Variants in KHDRBS2 observed in about 807,000 individuals in gnomAD.
KHDRBS2 encodes the protein KH domain-containing, RNA-binding, signal transduction-associated protein 2.
A neutral mutation model predicts 44.3 loss-of-function variants in KHDRBS2; 26 were observed. That is an observed-to-expected ratio of 0.59 (90% CI 0.43 to 0.81). The LOEUF is 0.81. Among genes scored for constraint, KHDRBS2 ranks in the 40% least tolerant of loss-of-function variants. The pLI, the probability that KHDRBS2 is intolerant of heterozygous loss-of-function variation, is 0.00. For synonymous variants in KHDRBS2, 194 were observed against 151.1 expected (o/e 1.28, Z -2.08); for missense variants, 476 against 433.1 (o/e 1.10, Z -0.88).
At chr6:61,643,696 C>T in the KHDRBS2 span, among the ~76,000 whole-genome samples, 1 of 152,074 alleles carries the variant, frequency 6.6e-6, no homozygotes, top group Admixed American at 6.6e-5. Context: ...GAACACAATC[C>T]CATTCATAAT....
chr6:62,106,779 T>A (rs1224820793), intron 2 of KHDRBS2, among the ~76,000 whole-genome samples: 2 of 152,232 alleles, frequency 1.3e-5, no homozygotes, highest in Non-Finnish European at 2.9e-5. Flanking sequence ...GATGCAAGGC[T>A]GGTTCAGTAT....
Position 61,901,241 on chromosome 6 carries a change from T to A in KHDRBS2, c.611+3A>T. On this transcript the variant is annotated splice_donor_region_variant and intron_variant, in intron 5 of 8. Transcript: ENST00000281156. ...AATTTATTTAAAGTAAGAATGAATGTACCTTGAAGGAGCTGTGGGAGCTAT... is the reference window on the plus strand; with the variant it reads ...AATTTATTTAAAGTAAGAATGAATGAACCTTGAAGGAGCTGTGGGAGCTAT... 1 of 1,610,252 alleles carries A rather than the reference T, an allele frequency of 6.2e-7. No homozygotes were observed.
At chr6:62,037,890 C>CA (rs1294446578) in intron 3 of KHDRBS2, among the ~76,000 whole-genome samples, 1 of 151,814 alleles carries the variant, frequency 6.6e-6, no homozygotes, top group Non-Finnish European at 1.5e-5. Context: ...TAAGTTTGCA[C>CA]AAAAATATGC....
chr6:62,040,672 T>G (rs115159408), intron 3 of KHDRBS2, among the ~76,000 whole-genome samples: 2,544 of 152,246 alleles, frequency 0.017, 62 homozygotes, highest in African/African-American at 0.057. Context: ...ACATGGCCTT[T>G]CGATGTAATT....
In KHDRBS2 at chr6:62,015,172, T is replaced by C. The variant is rs149297348; in HGVS notation, c.336+32706A>G. On this transcript the variant is annotated intron_variant, in intron 3 of 8. Transcript: ENST00000281156. ...AATCATCATTATATCACTGGTTCAA[T>C]GATATTTTAAGGTAGTATACTTATA... is the stretch of plus-strand genomic sequence containing the variant. Among the ~76,000 whole-genome samples, 63 of 152,318 alleles carry C rather than the reference T, an allele frequency of 4.1e-4. 1 individual carries two copies. The East Asian group carries it at 0.011, about 28-fold the overall frequency.
At chr6:61,622,693 G>C in the KHDRBS2 span, among the ~76,000 whole-genome samples, 2 of 152,196 alleles carry the variant, frequency 1.3e-5, no homozygotes, top group East Asian at 3.9e-4. Context: ...GAGTTTCCCC[G>C]GCAGGAAGTG....
chr6:62,072,157 T>C (rs1220186287), intron 2 of KHDRBS2, among the ~76,000 whole-genome samples: 2 of 152,200 alleles, frequency 1.3e-5, no homozygotes, highest in African/African-American at 2.4e-5. Context: ...GTTATTGGTG[T>C]ATAAGAGTGC....
chr6:61,995,105 C>A (rs2127253073), intron 3 of KHDRBS2, among the ~76,000 whole-genome samples: 1 of 152,028 alleles, frequency 6.6e-6, no homozygotes, highest in East Asian at 1.9e-4. Context: ...GCGTTTGAAC[C>A]CTTTATCATG....
At chr6:62,076,680 T>C (rs1796400018) in intron 2 of KHDRBS2, among the ~76,000 whole-genome samples, 1 of 152,088 alleles carries the variant, frequency 6.6e-6, no homozygotes, top group Non-Finnish European at 1.5e-5. Flanking sequence ...GCAATTCTAT[T>C]AGTTCATCTT....
intron 3 of KHDRBS2, among the ~76,000 whole-genome samples, chr6:61,995,565 G>C (rs946886913): frequency 3.3e-5 from 5 of 152,100 alleles, no homozygotes; most frequent in African/African-American, 1.2e-4. Flanking sequence ...ATAATTAATG[G>C]TACTTCCTTT....
At chr6:62,081,859 T>C (rs1409855626) in intron 2 of KHDRBS2, among the ~76,000 whole-genome samples, 1 of 152,020 alleles carries the variant, frequency 6.6e-6, no homozygotes, top group Non-Finnish European at 1.5e-5. Context: ...AGAAATTATA[T>C]ATAATATTAT....
rs1800181469 is a variant in KHDRBS2 at position 61,881,341 on chromosome 6, T to C, written c.810+13294A>G. The stretch of plus-strand genomic sequence containing the variant: ...CAGTTACTCTCCTAACCTTAATTTC[T>C]CCAACATTAAATTAAAATAATGAAC... On this transcript the variant is annotated intron_variant, in intron 6 of 8. Transcript: ENST00000281156. Among the ~76,000 whole-genome samples, 4 of 151,906 alleles carry C rather than the reference T, an allele frequency of 2.6e-5. 1 individual carries two copies. In the South Asian group the frequency reaches 8.3e-4, roughly 31 times the overall value.
At chr6:61,612,900 T>A in the KHDRBS2 span, among the ~76,000 whole-genome samples, 1 of 131,896 alleles carries the variant, frequency 7.6e-6, no homozygotes, top group Non-Finnish European at 1.5e-5. Flanking sequence ...TCGCCCAGGC[T>A]GGAGTGCAGT....
chr6:62,009,680 C>A (rs1322702634), intron 3 of KHDRBS2, among the ~76,000 whole-genome samples: 1 of 152,152 alleles, frequency 6.6e-6, no homozygotes, highest in Admixed American at 6.5e-5. Context: ...TGTGTCCCTG[C>A]CACTCCAGCT....
rs192720179 is a variant in KHDRBS2 at position 61,998,381 on chromosome 6, G to A, written c.337-20169C>T. On this transcript the variant is annotated intron_variant, in intron 3 of 8. Coordinates refer to ENST00000281156, the MANE Select transcript of KHDRBS2 (RefSeq NM_152688.4). ...TACACTCCTGAAAAATTCAGTCAAA[G>A]GTGTCTGGAAGACATTTGATTCCCT... Among the ~76,000 whole-genome samples the A allele has an allele frequency of 2.6e-5, 4 of 152,096 alleles. No homozygotes were observed. In the East Asian group the frequency reaches 7.7e-4, roughly 29 times the overall value.
intron 4 of KHDRBS2, among the ~76,000 whole-genome samples, chr6:61,962,194 A>G (rs1370741293): frequency 1.3e-5 from 2 of 152,054 alleles, no homozygotes; most frequent in African/African-American, 2.4e-5. Flanking sequence ...TGGCAGTTCT[A>G]TTGTGTTGCT....
intron 1 of KHDRBS2, among the ~76,000 whole-genome samples, chr6:62,242,342 A>G (rs1489098949): frequency 5.3e-5 from 8 of 152,160 alleles, no homozygotes; most frequent in Non-Finnish European, 1.2e-4. Flanking sequence ...TACTGAAAAT[A>G]AAAGATACAT....
intron 4 of KHDRBS2, among the ~76,000 whole-genome samples, chr6:61,920,282 C>T (rs1027325838): frequency 4.6e-5 from 7 of 151,670 alleles, no homozygotes; most frequent in Non-Finnish European, 1.0e-4. Context: ...CATTCTGGGG[C>T]CTAAATTTAC....
intron 6 of KHDRBS2, among the ~76,000 whole-genome samples, chr6:61,856,267 T>G (rs1248383637): frequency 6.6e-6 from 1 of 152,172 alleles, no homozygotes; most frequent in Non-Finnish European, 1.5e-5. Context: ...CACACTTTAG[T>G]GTCTAAGCTT....
Sources: gnomAD v4.1 joint callset for allele counts (sites outside exome capture counted in the v4.1 genomes callset) on GRCh38, gnomAD v4.1.1 for gene constraint, MANE v1.5 for transcripts, NCBI Gene and HGNC (gene_info 2026-07-23, HGNC 2026-07-21) for gene names.